The following PKD1 variants were observed in gnomAD, a reference collection of about 807,000 sequenced individuals.
The protein encoded by PKD1 is polycystin 1, transient receptor potential channel interacting.
PKD1 carries 81 observed loss-of-function variants against 361.7 expected under a neutral mutation model. The ratio of observed to expected loss-of-function variants is 0.22; its 90% confidence interval spans 0.19 to 0.27. The LOEUF (loss-of-function observed/expected upper bound fraction) is 0.27, where lower values mean the gene tolerates loss of function less well. PKD1 is among the 10% of genes least tolerant of loss of function. PKD1 has a pLI of 1.00. For synonymous variants in PKD1, 3,615 were observed against 2,818.3 expected, an observed-to-expected ratio of 1.28 and a Z score of -8.95; for missense variants, 6,399 against 6,118.3, an observed-to-expected ratio of 1.05 and a Z score of -1.53.
chr16:2,101,932 C>T, intron 26 of PKD1, 129 bp downstream of exon 26: 2 of 686,044 alleles, frequency 2.9e-6, no homozygotes, highest in South Asian at 1.5e-5. Context: ...GATGAACACA[C>T]GAGCCCTTCA....
At position 2,090,728 on chromosome 16, in the gene PKD1, C is replaced by T. The variant is rs750336998; in HGVS notation, c.12084G>A (p.Gly4028=). Residue 4028 remains glycine, a synonymous_variant, in exon 44 of 46, where the codon GGG becomes GGA. Transcript: ENST00000262304. ...CGAGCACCACCAGGCCCAAGGTGACCCCCAGGAGCTCTGGCAGAGCTCGGC... is the reference window on the plus strand; with the variant it reads ...CGAGCACCACCAGGCCCAAGGTGACTCCCAGGAGCTCTGGCAGAGCTCGGC... ...TLCRALPELL[G]VTLGLVVLGV... is the part of the protein sequence containing the mutation. 6 of 1,612,486 alleles carry T rather than the reference C, an allele frequency of 3.7e-6. No individual in the cohort carries two copies. In the East Asian group the frequency reaches 1.3e-4, roughly 36 times the overall value.
chr16:2,107,663 T>C, intron 16 of PKD1: 1 of 624,982 alleles, frequency 1.6e-6, no homozygotes, highest in Non-Finnish European at 2.9e-6. Flanking sequence ...TGTGTAGCTT[T>C]TGCCACTAGA....
chr16:2,106,488 G>A lies in PKD1; in HGVS notation c.7399C>T (p.Pro2467Ser). 6.3e-7 allele frequency: 1 copy of A among 1,593,988 alleles called. No individual in the cohort carries two copies. The highest frequency in any genetic ancestry group is 8.5e-7 in the Non-Finnish European group (1 of 1,177,648). ...GAGCCCCCCAGCGGCGGGCGGTTGGGGGACAGGCGGATGGAGGCGCAGCCC... is the reference window on the plus strand; with the variant it reads ...GAGCCCCCCAGCGGCGGGCGGTTGGAGGACAGGCGGATGGAGGCGCAGCCC... ...EEGCASIRLSPNRPPLGGSCR... is the reference protein window; with the variant it reads ...EEGCASIRLSSNRPPLGGSCR... Residue 2467 changes from proline (P) to serine (S), a missense_variant, in exon 18 of 46, where the codon CCC (proline) becomes TCC (serine). Physicochemically the swap from Pro to Ser is moderately conservative, Grantham distance 74. Transcript: ENST00000262304. The surrounding 1 kb of genome is among the most constrained non-coding windows in gnomAD (Gnocchi z 6.5).
rs772414701 is a variant in PKD1, at chr16:2,108,768, G to A, written c.6399C>T (p.Phe2133=). 3.5e-5 allele frequency: 55 copies of A among 1,571,674 alleles called. No homozygotes were observed. The highest frequency in any genetic ancestry group is 1.2e-4 in the East Asian group (5 of 42,324). ...QVNASNLVSF[F]VAQATVTVQV... ...GGACGGTCACCGTGGCCTGCGCCACGAAGAAGCTCACCAGGTTGGAGGCGT... is the reference window on the plus strand; with the variant it reads ...GGACGGTCACCGTGGCCTGCGCCACAAAGAAGCTCACCAGGTTGGAGGCGT... Residue 2133 remains phenylalanine (F), a synonymous_variant, in exon 15 of 46, where the codon TTC becomes TTT. Coordinates refer to ENST00000262304, the MANE Select transcript of PKD1 (RefSeq NM_001009944.3).
chr16:2,109,713 C>A lies in PKD1; in HGVS notation c.5454G>T (p.Ala1818=), dbSNP rs143916489. 4 of 1,602,012 alleles carry A rather than the reference C, an allele frequency of 2.5e-6. No individual in the cohort carries two copies. Among genetic ancestry groups the A allele is most frequent in the Non-Finnish European group, 3.4e-6 (4 of 1,175,926 alleles). ...CCCAAAAGGGCACAGAGGACCCGGCCGCCACGAAGCTGCCTCCGGGCTCGC... is the reference window on the plus strand; with the variant it reads ...CCCAAAAGGGCACAGAGGACCCGGCAGCCACGAAGCTGCCTCCGGGCTCGC... ...RASEPGGSFV[A]AGSSVPFWGQ... The change falls in exon 15 of 46, where the codon GCG becomes GCT. Residue 1818 remains alanine, a synonymous_variant. Coordinates refer to ENST00000262304, the MANE Select transcript of PKD1 (RefSeq NM_001009944.3).
intron 16 of PKD1, chr16:2,107,272 C>T (rs566058064): frequency 2.6e-5 from 11 of 425,040 alleles, no homozygotes; most frequent in Middle Eastern, 7.5e-4. Flanking sequence ...GTGTGAGGAC[C>T]GCAGCTGCCA....
At position 2,097,343 on chromosome 16, in the gene PKD1, G is replaced by C; in HGVS notation, c.10381C>G (p.Pro3461Ala). 1.2e-6 allele frequency: 2 copies of C among 1,612,706 alleles called. No homozygotes were observed. Among genetic ancestry groups the C allele is most frequent in the Admixed American group, 1.7e-5 (1 of 60,012 alleles). Residue 3461 changes from proline (P) to alanine (A), a missense_variant, in exon 33 of 46, where the codon CCT becomes GCT. Transcript: ENST00000262304. ...DGFSLASPYSPAKSFSASDED... is the reference protein window; with the variant it reads ...DGFSLASPYSAAKSFSASDED... The stretch of plus-strand genomic sequence containing the variant: ...CCTGATGCTGAGAAGGATTTGGCAG[G>C]CGAGTAGGGGCTGGCCAGGGAGAAG...
rs1366653413 is a variant in PKD1, at chr16:2,135,862, AGCTCGGCCGCCC to A, written c.-185_-174del. On this transcript the variant is annotated 5_prime_UTR_variant, in exon 1 of 46. Transcript: ENST00000262304. Reference sequence around the variant, plus strand: ...GGGCTCGGGGCCAGGCCGCTCCGGGAGCTCGGCCGCCCGCTCGGACGCTGGCGCTGCAGTGCG... The same window carrying A: ...GGGCTCGGGGCCAGGCCGCTCCGGGAGCTCGGACGCTGGCGCTGCAGTGCG... 1.3e-5 allele frequency: 3 copies of A among 237,286 alleles called. No individual in the cohort carries two copies. Among genetic ancestry groups the A allele is most frequent in the African/African-American group, 2.3e-5 (1 of 42,592 alleles). The allele number at this position is 237,286 out of a possible 1,614,324, so 14.7% of individuals were successfully genotyped here. A position where few individuals can be genotyped will look rare whatever the true frequency, so the allele number is the denominator to read the frequency against.
rs546627142 is a variant in PKD1, at chr16:2,099,241, C to T, written c.10050+403G>A. On this transcript the variant is annotated intron_variant, in intron 30 of 45. Transcript: ENST00000262304. Reference sequence around the variant, plus strand: ...CCACCTGAAGTGTTGGGATTACAGGCGTGAGCCACCACACCCGGCCCGGCC... The same window carrying T: ...CCACCTGAAGTGTTGGGATTACAGGTGTGAGCCACCACACCCGGCCCGGCC... 1.7e-5 allele frequency: 6 copies of T among 355,190 alleles called. No individual in the cohort carries two copies. The East Asian group carries it at 2.9e-4, about 17-fold the overall frequency. The allele number at this position is 355,190 out of a possible 1,614,324, so 22.0% of individuals were successfully genotyped here.
chr16:2,093,216 C>T (rs2091680568), intron 37 of PKD1, 123 bp from the exon 38 acceptor site: 19 of 1,161,896 alleles, frequency 1.6e-5, no homozygotes, highest in East Asian at 9.5e-5. Flanking sequence ...TGGCAGGGGG[C>T]GCCCCAAGAC....
chr16:2,109,287 C>T lies in PKD1; in HGVS notation c.5880G>A (p.Gln1960=). The change falls in exon 15 of 46, where the codon CAG becomes CAA. Residue 1960 remains glutamine (Q), a synonymous_variant. Coordinates refer to ENST00000262304, the MANE Select transcript of PKD1 (RefSeq NM_001009944.3). ...CCAGCACCACGATGCGCACCTGCGCCTGGGCCCAGCTCACGTGGTTTTTGC... is the reference window on the plus strand; with the variant it reads ...CCAGCACCACGATGCGCACCTGCGCTTGGGCCCAGCTCACGTGGTTTTTGC... ...VRGKNHVSWA[Q]AQVRIVVLEA... 2 of 1,584,092 alleles carry T rather than the reference C, an allele frequency of 1.3e-6. No homozygotes were observed. The highest frequency in any genetic ancestry group is 8.6e-7 in the Non-Finnish European group (1 of 1,167,292).
rs1449338737 is a variant in PKD1, at chr16:2,091,360, G to A, written c.11712+63C>T. 27 of 862,438 alleles carry A rather than the reference G, an allele frequency of 3.1e-5. No homozygotes were observed. The South Asian group carries it at 3.6e-4, about 11-fold the overall frequency. 53.4% of individuals were successfully genotyped at this position (862,438 alleles called of 1,614,324 possible). A position where few individuals can be genotyped will look rare whatever the true frequency, so the allele number is the denominator to read the frequency against. On this transcript the variant is annotated intron_variant, in intron 42 of 45. Coordinates refer to ENST00000262304, the MANE Select transcript of PKD1 (RefSeq NM_001009944.3). The stretch of plus-strand genomic sequence containing the variant: ...AGGGGTGAGACGCTGCCGGGGCGGG[G>A]CCCCGCGAGGGGGCGGGACGCTGCC...
intron 41 of PKD1, 53 bp downstream of exon 41, chr16:2,091,728 T>C (rs560886704): frequency 1.3e-6 from 2 of 1,598,876 alleles, no homozygotes; most frequent in Non-Finnish European, 1.7e-6. Context: ...GAGGGTGGGC[T>C]CCTGGCTGGT....
chr16:2,108,217 G>A lies in PKD1; in HGVS notation c.6915+35C>T, dbSNP rs2092409990. 3.8e-6 allele frequency: 6 copies of A among 1,571,700 alleles called. No individual in the cohort carries two copies. The East Asian group carries it at 1.4e-4, about 35-fold the overall frequency. On this transcript the variant is annotated intron_variant, in intron 15 of 45. Coordinates refer to ENST00000262304, the MANE Select transcript of PKD1 (RefSeq NM_001009944.3). Reference sequence around the variant, plus strand: ...TCTGGGCTCATGGGTGTGGACGGGTGAGGGGCATGGAGGACGGCCCTGCCA... The same window carrying A: ...TCTGGGCTCATGGGTGTGGACGGGTAAGGGGCATGGAGGACGGCCCTGCCA...
Position 2,111,272 on chromosome 16 carries a change from C to T in PKD1, c.3895G>A (p.Val1299Ile), listed in dbSNP as rs753434491. The T allele has an allele frequency of 1.5e-5, 24 of 1,609,482 alleles. No individual in the cohort carries two copies. The highest frequency in any genetic ancestry group is 6.7e-5 in the African/African-American group (5 of 74,860). The change falls in exon 15 of 46, where the codon GTT becomes ATT. Residue 1299 changes from valine (V) to isoleucine (I), a missense_variant. By Grantham distance (29) the Val-to-Ile change is conservative. Transcript: ENST00000262304. ...GTGGGGATGCAGGCGGCGGGTTCAA[C>T]GCGCAGCACCTCCAGGACGAAGACC... is the stretch of plus-strand genomic sequence containing the variant. Reference protein sequence around the residue: ...VLVFVLEVLRVEPAACIPTQP... With the variant: ...VLVFVLEVLRIEPAACIPTQP...
At chr16:2,113,040 C>T in intron 12 of PKD1, 77 bp from the exon 13 acceptor site, 1 of 1,455,300 alleles carries the variant, frequency 6.9e-7, no homozygotes, top group Non-Finnish European at 9.5e-7. Context: ...CCTCCACTCA[C>T]CCACAGCCAT....
At position 2,105,406 on chromosome 16, in the gene PKD1, C is replaced by G. The variant is rs911998600; in HGVS notation, c.7932G>C (p.Lys2644Asn). 1.3e-6 allele frequency: 2 copies of G among 1,585,308 alleles called. No homozygotes were observed. The highest frequency in any genetic ancestry group is 1.7e-6 in the Non-Finnish European group (2 of 1,172,048). The change falls in exon 21 of 46, where the codon AAG (lysine) becomes AAC (asparagine). Residue 2644 changes from lysine (K) to asparagine (N), a missense_variant. Transcript: ENST00000262304. ...HERQHRAQIR[K>N]NITETLVSLR... ...GGGACACCAGAGTCTCCGTGATGTT[C>G]TTGCGTATCTGGGCTCGGTGCTGCC...
intron 38 of PKD1, 60 bp downstream of exon 38, chr16:2,092,894 G>A: frequency 2.5e-6 from 4 of 1,598,206 alleles, no homozygotes; most frequent in Non-Finnish European, 3.4e-6. Context: ...CCTAGGGTCT[G>A]GCTGGACTAA....
chr16:2,097,996 G>A lies in PKD1; in HGVS notation c.10051-12C>T, dbSNP rs375197665. On this transcript the variant is annotated splice_polypyrimidine_tract_variant and intron_variant, in intron 30 of 45. Coordinates refer to ENST00000262304, the MANE Select transcript of PKD1 (RefSeq NM_001009944.3). ...GGGCTCCCAGCCACCTGCAGGACGA[G>A]GGCAGTGGTCAGCGGGCGGCAGCTC... 912 of 1,518,686 alleles carry A rather than the reference G, an allele frequency of 6.0e-4. 2 individuals are homozygous for A. Among genetic ancestry groups the A allele is most frequent in the Non-Finnish European group, 7.0e-4 (771 of 1,101,540 alleles). The allele number at this position is 1,518,686 out of a possible 1,614,324, so 94.1% of individuals were successfully genotyped here. A position where few individuals can be genotyped will look rare whatever the true frequency, so the allele number is the denominator to read the frequency against.
Sources: allele counts gnomAD v4.1 joint callset, GRCh38; gene constraint gnomAD v4.1.1; non-coding constraint Gnocchi (gnomAD v3.1); transcripts MANE v1.5; gene names NCBI Gene and HGNC (gene_info 2026-07-23, HGNC 2026-07-21).